MEGF10: variants seen among roughly 807,000 people sequenced by gnomAD.
MEGF10 encodes the protein multiple epidermal growth factor-like domains protein 10.
In MEGF10, 86 loss-of-function variants were observed where a neutral mutation model predicts 147.5. The observed-to-expected ratio is 0.58, with a 90% CI of 0.49 to 0.70. The LOEUF (loss-of-function observed/expected upper bound fraction) is 0.70, where lower values mean the gene tolerates loss of function less well. Among genes scored for constraint, MEGF10 ranks in the 30% least tolerant of loss-of-function variants. The pLI, the probability that MEGF10 is intolerant of heterozygous loss-of-function variation, is 0.00. For missense variants in MEGF10, 1,329 were observed against 1,487.3 expected (o/e 0.89, Z 1.75); for synonymous variants, 478 against 525.5 (o/e 0.91, Z 1.24).
At chr5:127,341,829 C>A (rs756237486) in intron 4 of MEGF10, among the ~76,000 whole-genome samples, 7 of 152,104 alleles carry the variant, frequency 4.6e-5, no homozygotes, top group African/African-American at 9.7e-5. Flanking sequence ...TTTAATCAAT[C>A]TCAGCTGTTG....
chr5:127,399,265 T>C (rs1764038808), intron 7 of MEGF10, among the ~76,000 whole-genome samples: 2 of 152,232 alleles, frequency 1.3e-5, no homozygotes, highest in Admixed American at 1.3e-4. Context: ...ATTTACCAAG[T>C]ATTGCAGGAC....
chr5:127,430,736 A>G (rs1020294718), intron 13 of MEGF10, among the ~76,000 whole-genome samples: 2 of 152,178 alleles, frequency 1.3e-5, no homozygotes, highest in African/African-American at 4.8e-5. Flanking sequence ...CAAGAGGAGG[A>G]AAGACAACTC....
At chr5:127,411,010 T>C (rs955949036) in intron 9 of MEGF10, among the ~76,000 whole-genome samples, 2 of 152,056 alleles carry the variant, frequency 1.3e-5, no homozygotes, top group African/African-American at 4.8e-5. Context: ...GCATCTTTTA[T>C]TCGACAGCAC....
At chr5:127,284,457 C>T in the MEGF10 span, among the ~76,000 whole-genome samples, 4 of 151,704 alleles carry the variant, frequency 2.6e-5, no homozygotes, top group South Asian at 4.2e-4. Flanking sequence ...ATTTGAGGAA[C>T]CACAGTAAGC....
At chr5:127,330,344 C>A (rs1219309152) in intron 1 of MEGF10, among the ~76,000 whole-genome samples, 1 of 152,170 alleles carries the variant, frequency 6.6e-6, no homozygotes, top group African/African-American at 2.4e-5. Flanking sequence ...AAGTTCCCTA[C>A]TGCACAATGG....
intron 13 of MEGF10, among the ~76,000 whole-genome samples, chr5:127,430,702 C>T (rs991375390): frequency 6.6e-6 from 1 of 152,148 alleles, no homozygotes; most frequent in Non-Finnish European, 1.5e-5. Flanking sequence ...AGGGGAGAAG[C>T]AGCAATAGGA....
chr5:127,434,865 G>T, intron 15 of MEGF10, 44 bp downstream of exon 15: 1 of 1,585,264 alleles, frequency 6.3e-7, no homozygotes, highest in Non-Finnish European at 8.6e-7. Context: ...TGATGAGCAC[G>T]CCCCGGAGAG....
chr5:127,347,923 A>G (rs540610378), intron 4 of MEGF10, among the ~76,000 whole-genome samples: 2 of 152,202 alleles, frequency 1.3e-5, no homozygotes, highest in African/African-American at 4.8e-5. Flanking sequence ...GGTTGCTGTT[A>G]GGATCTAGTA....
At chr5:127,272,934 T>C in the MEGF10 span, among the ~76,000 whole-genome samples, 22 of 152,252 alleles carry the variant, frequency 1.4e-4, no homozygotes, top group Non-Finnish European at 1.6e-4. Context: ...TTCTCTTGCC[T>C]GATTGCCCTG....
At position 127,460,956 on chromosome 5, in the gene MEGF10, T is replaced by C. The variant is rs1229244441; in HGVS notation, c.*3638T>C. ...CCGTTTAGAGTCCTGTTAATATTGATGTCCTAACACTGGGTCTGCTTATGC... is the reference window on the plus strand; with the variant it reads ...CCGTTTAGAGTCCTGTTAATATTGACGTCCTAACACTGGGTCTGCTTATGC... On this transcript the variant is annotated 3_prime_UTR_variant, in exon 25 of 25. Transcript: ENST00000503335. 1.3e-5 allele frequency: 2 copies of C among 152,204 alleles called. No homozygotes were observed. The highest frequency in any genetic ancestry group is 4.8e-5 in the African/African-American group (2 of 41,466). 9.4% of individuals were successfully genotyped at this position (152,204 alleles called of 1,614,324 possible).
intron 8 of MEGF10, among the ~76,000 whole-genome samples, chr5:127,402,992 A>G (rs1764188269): frequency 1.3e-5 from 2 of 152,226 alleles, no homozygotes; most frequent in African/African-American, 2.4e-5. Flanking sequence ...TGCCACTTAC[A>G]TTGTAAGTAC....
the MEGF10 span, among the ~76,000 whole-genome samples, chr5:127,278,857 C>T: frequency 1.2e-4 from 18 of 152,152 alleles, no homozygotes; most frequent in Admixed American, 3.9e-4. Flanking sequence ...AGAAGGTCAC[C>T]ATCTAGAAGA....
At chr5:127,328,214 A>G (rs1177700467) in intron 1 of MEGF10, among the ~76,000 whole-genome samples, 2 of 152,120 alleles carry the variant, frequency 1.3e-5, no homozygotes, top group African/African-American at 4.8e-5. Flanking sequence ...AACAGTTTTA[A>G]CCAGCTTATG....
intron 8 of MEGF10, chr5:127,409,630 A>G (rs1280454037): frequency 5.3e-5 from 8 of 152,368 alleles, no homozygotes. Flanking sequence ...ACTTTTAAAA[A>G]GATAATGAAG....
At chr5:127,333,478 C>G (rs1193045684) in intron 2 of MEGF10, among the ~76,000 whole-genome samples, 6 of 151,592 alleles carry the variant, frequency 4.0e-5, no homozygotes, top group Admixed American at 3.9e-4. Flanking sequence ...TGCCACTGCA[C>G]TCCAGCCTGG....
chr5:127,407,849 A>G (rs539244105), intron 8 of MEGF10, among the ~76,000 whole-genome samples: 1 of 152,330 alleles, frequency 6.6e-6, no homozygotes, highest in African/African-American at 2.4e-5. Context: ...GATGGAGAAT[A>G]TATACTTCTA....
chr5:127,461,012 G>C lies in MEGF10; in HGVS notation c.*3694G>C, dbSNP rs1456784797. ...CAGTATTTGGTCTAGGCTTCATTTT[G>C]ATATGACTGAATTGCAATCTATATT... On this transcript the variant is annotated 3_prime_UTR_variant, in exon 25 of 25. Coordinates refer to ENST00000503335, the MANE Select transcript of MEGF10 (RefSeq NM_001256545.2). The C allele has an allele frequency of 6.6e-6, 1 of 152,118 alleles. No homozygotes were observed. Among genetic ancestry groups the C allele is most frequent in the Admixed American group, 6.6e-5 (1 of 15,262 alleles). The allele number at this position is 152,118 out of a possible 1,614,324, so 9.4% of individuals were successfully genotyped here. A position where few individuals can be genotyped will look rare whatever the true frequency, so the allele number is the denominator to read the frequency against.
chr5:127,244,693 G>T, the MEGF10 span, among the ~76,000 whole-genome samples: 1 of 152,038 alleles, frequency 6.6e-6, no homozygotes, highest in Non-Finnish European at 1.5e-5. Context: ...AAACCTGAGA[G>T]AAAATGTGTG....
the MEGF10 span, among the ~76,000 whole-genome samples, chr5:127,247,854 A>G: frequency 6.6e-6 from 1 of 152,150 alleles, no homozygotes; most frequent in Non-Finnish European, 1.5e-5. Context: ...GTAGGATTCC[A>G]GAGAGGGAGA....
Sources: gnomAD v4.1 joint callset for allele counts (sites outside exome capture counted in the v4.1 genomes callset) on GRCh38, gnomAD v4.1.1 for gene constraint, MANE v1.5 for transcripts, NCBI Gene and HGNC (gene_info 2026-07-23, HGNC 2026-07-21) for gene names.